TNFAIP8: variants seen among roughly 807,000 people sequenced by gnomAD.
TNFAIP8 encodes TNF alpha induced protein 8, also known as tumor necrosis factor alpha-induced protein 8.
TNFAIP8 carries 7 observed loss-of-function variants against 13.3 expected under a neutral mutation model. The ratio of observed to expected loss-of-function variants is 0.52; its 90% CI spans 0.30 to 0.99. TNFAIP8 has a LOEUF of 0.99. TNFAIP8 is among the 50% of genes least tolerant of loss of function. The pLI is 0.07. For synonymous variants in TNFAIP8, 94 were observed against 87.6 expected, an observed-to-expected ratio of 1.07 and a Z score of -0.41; for missense variants, 258 against 236.9, an observed-to-expected ratio of 1.09 and a Z score of -0.58.
chr5:119,322,280 G>T (rs1386957730), intron 1 of TNFAIP8, among the ~76,000 whole-genome samples: 2 of 152,202 alleles, frequency 1.3e-5, no homozygotes, highest in Admixed American at 1.3e-4. Flanking sequence ...ACCATCAGCA[G>T]TGCTCACACG....
chr5:119,308,432 A>G (rs1680029555), intron 1 of TNFAIP8, among the ~76,000 whole-genome samples: 1 of 138,668 alleles, frequency 7.2e-6, no homozygotes, highest in Non-Finnish European at 1.5e-5. Flanking sequence ...CTGTGTGTGC[A>G]GTGCATCATG....
intron 1 of TNFAIP8, among the ~76,000 whole-genome samples, chr5:119,269,957 A>G (rs1748228407): frequency 6.6e-6 from 1 of 152,104 alleles, no homozygotes. Context: ...TAATTTTAAT[A>G]GTCTCTCTGA....
At position 119,375,230 on chromosome 5, in the gene TNFAIP8, G is replaced by C. The variant is rs146397062; in HGVS notation, c.32-17586G>C. Among the ~76,000 whole-genome samples the C allele has an allele frequency of 4.3e-3, 651 of 152,336 alleles. 3 individuals carry two copies. The highest frequency in any genetic ancestry group is 0.015 in the African/African-American group (604 of 41,572). On this transcript the variant is annotated intron_variant, in intron 1 of 1. Transcript: ENST00000504771. Reference sequence around the variant, plus strand: ...GTGATTGGGAATTAATGGGGGTCATGTTGTGATCCCTACGTTAACCTCTAG... The same window carrying C: ...GTGATTGGGAATTAATGGGGGTCATCTTGTGATCCCTACGTTAACCTCTAG...
intron 1 of TNFAIP8, among the ~76,000 whole-genome samples, chr5:119,357,567 C>A (rs1287041063): frequency 6.6e-6 from 1 of 151,952 alleles, no homozygotes; most frequent in Non-Finnish European, 1.5e-5. Context: ...AAAACAGTAT[C>A]CCAAAGTGTG....
At chr5:119,333,371 A>C in intron 1 of TNFAIP8, 1 of 1,315,842 alleles carries the variant, frequency 7.6e-7, no homozygotes. Context: ...ATAACAAGCA[A>C]GACAACTTTC....
chr5:119,277,555 G>A (rs1323744382), intron 1 of TNFAIP8, among the ~76,000 whole-genome samples: 1 of 152,110 alleles, frequency 6.6e-6, no homozygotes, highest in Admixed American at 6.5e-5. Context: ...AAATTGGATT[G>A]GGGACCACCT....
intron 1 of TNFAIP8, among the ~76,000 whole-genome samples, chr5:119,369,099 G>C (rs72788123): frequency 0.091 from 13,519 of 148,068 alleles, 853 homozygotes; most frequent in African/African-American, 0.19. Context: ...TGTTACCCAG[G>C]CTGGAGTACA....
chr5:119,277,198 C>A (rs554379148), intron 1 of TNFAIP8, among the ~76,000 whole-genome samples: 1 of 152,076 alleles, frequency 6.6e-6, no homozygotes, highest in Non-Finnish European at 1.5e-5. Context: ...ACCATAGATA[C>A]GGGGGACTAC....
At chr5:119,351,788 C>CTTTTTTTTTTTTTTT (rs1177061965), upstream of TNFAIP8, among the ~76,000 whole-genome samples, 20 of 138,210 alleles carry the variant, frequency 1.4e-4, no homozygotes, top group Admixed American at 2.1e-4. Context: ...TTTTCTTTTT[C>CTTTTTTTTTTTTTTT]TTTTTTTCTT....
intron 1 of TNFAIP8, among the ~76,000 whole-genome samples, chr5:119,359,391 G>T (rs977398602): frequency 6.6e-6 from 1 of 151,992 alleles, no homozygotes; most frequent in African/African-American, 2.4e-5. Flanking sequence ...TTCCTTGCTG[G>T]CTCTCCCCAC....
At chr5:119,368,715 A>G (rs1222639100) in intron 1 of TNFAIP8, among the ~76,000 whole-genome samples, 2 of 152,190 alleles carry the variant, frequency 1.3e-5, no homozygotes, top group African/African-American at 4.8e-5. Context: ...TAAAGTCAAT[A>G]ATGATTCTTT....
rs77205974 is a variant in TNFAIP8 at position 119,313,146 on chromosome 5, T to A, written c.1+44239T>A. Among the ~76,000 whole-genome samples the A allele has an allele frequency of 9.1e-3, 1,383 of 152,274 alleles. 23 individuals are homozygous for A. Among genetic ancestry groups the A allele is most frequent in the South Asian group, 0.05 (241 of 4,828 alleles). The stretch of plus-strand genomic sequence containing the variant: ...AGTGCTTCAGAAATTTCCAGAACAA[T>A]TGGGTAAGAGTGGTCAGCTTCGTAT... On this transcript the variant is annotated intron_variant, in intron 1 of 1. Coordinates refer to the TNFAIP8 transcript ENST00000274456.
At chr5:119,298,435 C>T (rs1459670681) in intron 1 of TNFAIP8, among the ~76,000 whole-genome samples, 2 of 151,388 alleles carry the variant, frequency 1.3e-5, no homozygotes, top group Admixed American at 6.6e-5. Context: ...AATATTGGCC[C>T]CCACTCTCTT....
intron 1 of TNFAIP8, among the ~76,000 whole-genome samples, chr5:119,341,206 G>T (rs540135454): frequency 3.0e-4 from 46 of 151,552 alleles, no homozygotes; most frequent in African/African-American, 1.1e-3. Flanking sequence ...AACAGCACCA[G>T]AACTCCACCT....
At chr5:119,290,348 A>G (rs186822901) in intron 1 of TNFAIP8, among the ~76,000 whole-genome samples, 1 of 152,344 alleles carries the variant, frequency 6.6e-6, no homozygotes, top group Non-Finnish European at 1.5e-5. Flanking sequence ...ATATCTGAAC[A>G]TTCTCTGCGG....
intron 1 of TNFAIP8, among the ~76,000 whole-genome samples, chr5:119,289,730 T>G (rs1189240113): frequency 1.3e-5 from 2 of 152,170 alleles, no homozygotes; most frequent in Non-Finnish European, 2.9e-5. Context: ...TCTGACACTT[T>G]GAAGCTGCTC....
intron 1 of TNFAIP8, among the ~76,000 whole-genome samples, chr5:119,275,633 T>C (rs1321712194): frequency 6.6e-6 from 1 of 152,214 alleles, no homozygotes; most frequent in Non-Finnish European, 1.5e-5. Context: ...ATTTTTTTCT[T>C]TGAAGCCATG....
chr5:119,356,328 A>T (rs1751414061), intron 1 of TNFAIP8, among the ~76,000 whole-genome samples: 1 of 151,906 alleles, frequency 6.6e-6, no homozygotes, highest in African/African-American at 2.4e-5. Flanking sequence ...TTCAGAGGGG[A>T]GGGGAGGAAA....
At chr5:119,342,039 C>T (rs1310715673) in intron 1 of TNFAIP8, among the ~76,000 whole-genome samples, 1 of 151,948 alleles carries the variant, frequency 6.6e-6, no homozygotes. Flanking sequence ...CCCTCTAGTC[C>T]TCATCTCTGA....
Sources: gnomAD v4.1 joint callset for allele counts (sites outside exome capture counted in the v4.1 genomes callset) on GRCh38, gnomAD v4.1.1 for gene constraint, MANE v1.5 for transcripts, NCBI Gene and HGNC (gene_info 2026-07-23, HGNC 2026-07-21) for gene names.